The following USP7 variants were observed in gnomAD, a reference collection of about 807,000 sequenced individuals.
The protein encoded by USP7 is ubiquitin specific peptidase 7, also known as ubiquitin C-terminal hydrolase 7.
A neutral mutation model predicts 162.9 loss-of-function variants in USP7; 9 were observed. The observed-to-expected ratio is 0.06, with a 90% CI of 0.03 to 0.10. The LOEUF (loss-of-function observed/expected upper bound fraction) is 0.10, where lower values mean the gene tolerates loss of function less well. Ranked by LOEUF, USP7 falls within the 10% of genes least tolerant of loss-of-function variation. The probability of loss-of-function intolerance (pLI) is 1.00; values close to 1 mark genes in which losing one functional copy is unlikely to be tolerated. For missense variants in USP7, 715 were observed against 1,373.7 expected (o/e 0.52, Z 7.58); for synonymous variants, 562 against 475.9 (o/e 1.18, Z -2.35).
rs751785158 is a variant in USP7, at chr16:8,899,675, A to G, written c.2392T>C (p.Phe798Leu). 6.2e-7 allele frequency: 1 copy of G among 1,614,248 alleles called. No homozygotes were observed. The highest frequency in any genetic ancestry group is 8.5e-7 in the Non-Finnish European group (1 of 1,180,026). Reference protein sequence around the residue: ...RDLYHRVDVIFCDKTIPNDPG... With the variant: ...RDLYHRVDVILCDKTIPNDPG... ...TCATTAGGGATTGTTTTATCACAGA[A>G]AATGACATCAACGCGGTGGTAGAGA... Residue 798 changes from phenylalanine to leucine, a missense_variant, in exon 22 of 31, where the codon TTC becomes CTC. This residue lies in a region of USP7 where 222 missense variants were observed against 441.7 expected (regional missense o/e 0.50). Coordinates refer to ENST00000344836, the MANE Select transcript of USP7 (RefSeq NM_003470.3).
At chr16:8,954,278 G>A (rs552973706) in intron 1 of USP7, among the ~76,000 whole-genome samples, 1 of 152,106 alleles carries the variant, frequency 6.6e-6, no homozygotes, top group Non-Finnish European at 1.5e-5. Context: ...CAGAGGCTTT[G>A]AACAGGTGCC....
chr16:8,929,640 A>G (rs1898203079), intron 2 of USP7: 2 of 454,330 alleles, frequency 4.4e-6, no homozygotes, highest in South Asian at 3.1e-5. Flanking sequence ...TGCATACTGC[A>G]ATTACTGGCT....
intron 1 of USP7, among the ~76,000 whole-genome samples, chr16:8,941,738 G>C (rs528460288): frequency 6.6e-6 from 1 of 152,146 alleles, no homozygotes; most frequent in South Asian, 2.1e-4. Context: ...TGGGTGGTGC[G>C]TGCTGTGAAG....
At chr16:8,908,037 A>C (rs1451902353) in intron 12 of USP7, among the ~76,000 whole-genome samples, 2 of 152,218 alleles carry the variant, frequency 1.3e-5, no homozygotes, top group African/African-American at 4.8e-5. Context: ...AATCCTGTGA[A>C]TGCAAGAGCT....
intron 13 of USP7, among the ~76,000 whole-genome samples, chr16:8,905,605 C>A (rs117905082): frequency 0.016 from 2,392 of 152,332 alleles, 40 homozygotes; most frequent in Middle Eastern, 0.058. Context: ...TTTTTATAAT[C>A]TACTGAAATA....
intron 2 of USP7, chr16:8,929,661 C>T: frequency 2.2e-6 from 1 of 445,302 alleles, no homozygotes; most frequent in Non-Finnish European, 4.5e-6. Flanking sequence ...GCTCCCTACT[C>T]ACAAGTGTGA....
At chr16:8,906,920 C>A (rs1169194175) in intron 12 of USP7, among the ~76,000 whole-genome samples, 2 of 152,236 alleles carry the variant, frequency 1.3e-5, no homozygotes, top group East Asian at 1.9e-4. Flanking sequence ...ATTTCCCACT[C>A]TGAATATTGA....
At chr16:8,942,360 G>A (rs62031305) in intron 1 of USP7, among the ~76,000 whole-genome samples, 2 of 152,110 alleles carry the variant, frequency 1.3e-5, no homozygotes, top group Non-Finnish European at 2.9e-5. Flanking sequence ...ATCAAGCAGT[G>A]GGGTCTGTCC....
chr16:8,899,256 A>C (rs1222268530), intron 22 of USP7, 68 bp from the exon 23 acceptor site: 1 of 1,485,128 alleles, frequency 6.7e-7, no homozygotes, highest in East Asian at 2.3e-5. Context: ...CTTCATGCTT[A>C]ATTACTTAAA....
chr16:8,923,504 C>T (rs1305604766), intron 2 of USP7, 91 bp from the exon 3 acceptor site: 14 of 1,338,062 alleles, frequency 1.0e-5, no homozygotes, highest in Non-Finnish European at 1.3e-5. Context: ...TTCTATACAT[C>T]CTGATTTAAC....
intron 1 of USP7, among the ~76,000 whole-genome samples, chr16:8,940,506 T>G (rs1295251547): frequency 6.6e-6 from 1 of 152,124 alleles, no homozygotes; most frequent in East Asian, 1.9e-4. Flanking sequence ...AGGGGTTACC[T>G]TGGGACCAGG....
At chr16:8,925,055 G>C (rs1382219696) in intron 2 of USP7, among the ~76,000 whole-genome samples, 1 of 152,160 alleles carries the variant, frequency 6.6e-6, no homozygotes, top group Non-Finnish European at 1.5e-5. Context: ...AATAAGTTTT[G>C]CCATGTGCTT....
At chr16:8,907,101 C>G (rs1054382472) in intron 12 of USP7, among the ~76,000 whole-genome samples, 2 of 152,180 alleles carry the variant, frequency 1.3e-5, no homozygotes, top group East Asian at 3.8e-4. Flanking sequence ...ACCCGGCCTG[C>G]GAAGCAGCCA....
At chr16:8,932,016 C>G (rs975076624) in intron 1 of USP7, among the ~76,000 whole-genome samples, 1 of 152,126 alleles carries the variant, frequency 6.6e-6, no homozygotes, top group Admixed American at 6.5e-5. Flanking sequence ...CCATCCGAAC[C>G]AGCAAGCAAT....
At chr16:8,941,472 C>T (rs1470446626) in intron 1 of USP7, among the ~76,000 whole-genome samples, 7 of 152,202 alleles carry the variant, frequency 4.6e-5, no homozygotes, top group African/African-American at 7.2e-5. Flanking sequence ...TATCTCCAGC[C>T]GCATTTCAGC....
chr16:8,896,743 C>T (rs1326711482), intron 26 of USP7, among the ~76,000 whole-genome samples: 1 of 152,160 alleles, frequency 6.6e-6, no homozygotes, highest in Non-Finnish European at 1.5e-5. Context: ...AAAAACGTGG[C>T]TTAATTGTGA....
At chr16:8,935,371 A>T (rs1360127387) in intron 1 of USP7, among the ~76,000 whole-genome samples, 1 of 152,058 alleles carries the variant, frequency 6.6e-6, no homozygotes, top group Non-Finnish European at 1.5e-5. Context: ...CATCATGCCC[A>T]GCTAATTTGT....
rs1555472825 is a variant in USP7, at chr16:8,961,514, G to GGGC, written c.79+1690_79+1692dup. 4.9e-5 allele frequency among the ~76,000 whole-genome samples: 6 copies of GGGC among 122,040 alleles called. 1 individual carries two copies. Among genetic ancestry groups the GGGC allele is most frequent in the East Asian group, 5.9e-4 (2 of 3,374 alleles). The allele number at this position is 122,040 out of a possible 152,430, so 80.1% of individuals were successfully genotyped here. Reference sequence around the variant, plus strand: ...TCTCAAAAAAAAAAAAGGGGGGGGGGGGCAAATACCTTGAAATTTGTGGAC... The same window carrying GGGC: ...TCTCAAAAAAAAAAAAGGGGGGGGGGGGCGGCAAATACCTTGAAATTTGTGGAC... On this transcript the variant is annotated intron_variant, in intron 1 of 30. Coordinates refer to ENST00000344836, the MANE Select transcript of USP7 (RefSeq NM_003470.3).
chr16:8,939,658 A>C (rs1369733085), intron 1 of USP7, among the ~76,000 whole-genome samples: 1 of 152,224 alleles, frequency 6.6e-6, no homozygotes, highest in Non-Finnish European at 1.5e-5. Flanking sequence ...ACCTCCAGGC[A>C]TTCTCAATGT....
Sources: gnomAD v4.1 joint callset for allele counts (sites outside exome capture counted in the v4.1 genomes callset) on GRCh38, gnomAD v4.1.1 for gene constraint, gnomAD v4.1.1 regional missense constraint, MANE v1.5 for transcripts, NCBI Gene and HGNC (gene_info 2026-07-23, HGNC 2026-07-21) for gene names.